Variants in OPCML observed in about 807,000 individuals in gnomAD.
OPCML encodes the protein opioid-binding protein/cell adhesion molecule.
In OPCML, 13 loss-of-function variants were observed where a neutral mutation model predicts 37.8. The observed-to-expected ratio is 0.34, with a 90% CI of 0.22 to 0.55. The LOEUF (loss-of-function observed/expected upper bound fraction) is 0.55. Among genes scored for constraint, OPCML ranks in the 20% least tolerant of loss-of-function variants. OPCML has a pLI of 0.91. For synonymous variants in OPCML, 176 were observed against 168.8 expected (o/e 1.04, Z -0.33); for missense variants, 341 against 435.6 (o/e 0.78, Z 1.93).
At position 133,129,369 on chromosome 11, in the gene OPCML, G is replaced by A. The variant is rs530573242; in HGVS notation, c.62-186359C>T. ...CTCCTAGCCACCACGCAGGAAAGCC[G>A]TGTAATGCACCGGATATTGGGTAGA... On this transcript the variant is annotated intron_variant, in intron 1 of 7. Coordinates refer to ENST00000524381, the MANE Select transcript of OPCML (RefSeq NM_001012393.5). 8.4e-4 allele frequency among the ~76,000 whole-genome samples: 128 copies of A among 152,246 alleles called. 2 individuals are homozygous for A. Among genetic ancestry groups the A allele is most frequent in the African/African-American group, 2.3e-3 (95 of 41,546 alleles).
intron 3 of OPCML, among the ~76,000 whole-genome samples, chr11:132,627,798 C>T (rs549445213): frequency 4.6e-5 from 7 of 152,152 alleles, no homozygotes; most frequent in Admixed American, 6.5e-5. Flanking sequence ...AAAGGGAAAG[C>T]TGATGCATTT....
chr11:132,674,169 C>T (rs1417049619), intron 2 of OPCML, among the ~76,000 whole-genome samples: 1 of 152,158 alleles, frequency 6.6e-6, no homozygotes, highest in African/African-American at 2.4e-5. Context: ...CTAACAGTCT[C>T]CTCTAGGCAC....
At chr11:133,377,612 G>GGAAAAAAAAAAAAAAAAAAAA (rs1555148303) in intron 1 of OPCML, among the ~76,000 whole-genome samples, 1 of 79,086 alleles carries the variant, frequency 1.3e-5, no homozygotes, top group African/African-American at 5.8e-5. Context: ...CCAGTATTCA[G>GGAAAAAAAAAAAAAAAAAAAA]AAAAAAAAAA....
At chr11:132,529,598 A>G (rs1286506712) in intron 3 of OPCML, among the ~76,000 whole-genome samples, 1 of 152,202 alleles carries the variant, frequency 6.6e-6, no homozygotes, top group Non-Finnish European at 1.5e-5. Flanking sequence ...AGCCTTCCCC[A>G]ACATTGCACT....
In OPCML at chr11:132,608,746, T is replaced by C. The variant is rs76922838; in HGVS notation, c.379+48341A>G. ...CTCCAGGAAACCAGCCCCTCCTGGG[T>C]CTTCCTAAGGGCTGCCTGGCATTCA... is the stretch of plus-strand genomic sequence containing the variant. On this transcript the variant is annotated intron_variant, in intron 3 of 7. Transcript: ENST00000524381. Among the ~76,000 whole-genome samples, 389 of 152,174 alleles carry C rather than the reference T, an allele frequency of 2.6e-3. 2 individuals carry two copies. Among genetic ancestry groups the C allele is most frequent in the African/African-American group, 8.9e-3 (369 of 41,516 alleles).
At chr11:132,574,956 T>A (rs1459587130) in intron 3 of OPCML, among the ~76,000 whole-genome samples, 1 of 152,180 alleles carries the variant, frequency 6.6e-6, no homozygotes, top group South Asian at 2.1e-4. Flanking sequence ...GTATATCATA[T>A]ATATTTATTA....
chr11:132,845,420 T>C (rs1219115314), intron 2 of OPCML, among the ~76,000 whole-genome samples: 1 of 152,158 alleles, frequency 6.6e-6, no homozygotes, highest in Non-Finnish European at 1.5e-5. Flanking sequence ...ACTCAAATAC[T>C]CTTTAAAAAT....
At chr11:133,013,431 G>A (rs1192467324) in intron 1 of OPCML, among the ~76,000 whole-genome samples, 1 of 152,114 alleles carries the variant, frequency 6.6e-6, no homozygotes, top group African/African-American at 2.4e-5. Context: ...TCATATTTAA[G>A]TATTCTTATA....
intron 1 of OPCML, among the ~76,000 whole-genome samples, chr11:133,364,070 A>G (rs1683085076): frequency 6.6e-6 from 1 of 152,158 alleles, no homozygotes; most frequent in Non-Finnish European, 1.5e-5. Flanking sequence ...ATCATGCGGT[A>G]AGTCCCAGCT....
intron 1 of OPCML, among the ~76,000 whole-genome samples, chr11:133,115,662 GA>G (rs56400131): frequency 0.12 from 18,665 of 151,984 alleles, 1,211 homozygotes; most frequent in East Asian, 0.23. Flanking sequence ...AAAACTAAGG[GA>G]ACTCCAAATT....
At chr11:133,094,792 A>C (rs1049702746) in intron 1 of OPCML, among the ~76,000 whole-genome samples, 5 of 152,160 alleles carry the variant, frequency 3.3e-5, no homozygotes, top group Non-Finnish European at 7.4e-5. Flanking sequence ...GCTAGAAATG[A>C]GTTTGCAATA....
intron 2 of OPCML, among the ~76,000 whole-genome samples, chr11:132,866,235 G>A (rs1036426997): frequency 3.3e-5 from 5 of 152,202 alleles, no homozygotes; most frequent in African/African-American, 1.2e-4. Flanking sequence ...TCATTCCTGA[G>A]GAAACTGAGG....
intron 3 of OPCML, among the ~76,000 whole-genome samples, chr11:132,533,472 A>G (rs2096332029): frequency 6.6e-6 from 1 of 152,216 alleles, no homozygotes; most frequent in African/African-American, 2.4e-5. Context: ...CGGATAGACA[A>G]ATAGATGACC....
At chr11:132,759,955 A>T (rs537297227) in intron 2 of OPCML, among the ~76,000 whole-genome samples, 38 of 152,328 alleles carry the variant, frequency 2.5e-4, no homozygotes, top group African/African-American at 8.4e-4. Context: ...ATTTCCCTCT[A>T]AACACTGCTT....
In OPCML at chr11:133,211,666, G is replaced by A. The variant is rs1305202085; in HGVS notation, c.62-268656C>T. On this transcript the variant is annotated intron_variant, in intron 1 of 7. Coordinates refer to ENST00000524381, the MANE Select transcript of OPCML (RefSeq NM_001012393.5). This position sits in a 1 kb window ranked among gnomAD's most constrained non-coding sequence, Gnocchi z 4.1. ...GGAATTGTATATCTTGTACCATGAG[G>A]CATCTGGGGCCAGGGAGTCATCTGG... Among the ~76,000 whole-genome samples the A allele has an allele frequency of 6.6e-6, 1 of 152,204 alleles. No homozygotes were observed. Among genetic ancestry groups the A allele is most frequent in the African/African-American group, 2.4e-5 (1 of 41,454 alleles).
intron 1 of OPCML, among the ~76,000 whole-genome samples, chr11:132,992,583 T>A (rs1175440834): frequency 6.6e-6 from 1 of 152,124 alleles, no homozygotes; most frequent in African/African-American, 2.4e-5. Context: ...GGTATTCTTG[T>A]GTGTGTATCG....
chr11:132,550,368 A>G (rs2096378706), intron 3 of OPCML, among the ~76,000 whole-genome samples: 1 of 152,094 alleles, frequency 6.6e-6, no homozygotes, highest in African/African-American at 2.4e-5. Flanking sequence ...TGCTGTCCTC[A>G]TGATAGTGAG....
intron 2 of OPCML, among the ~76,000 whole-genome samples, chr11:132,730,761 T>A (rs892780960): frequency 6.6e-6 from 1 of 151,462 alleles, no homozygotes; most frequent in Non-Finnish European, 1.5e-5. Context: ...GTGGTTGAAA[T>A]CTGCTTGACC....
chr11:132,589,653 C>T (rs2096480994), intron 3 of OPCML, among the ~76,000 whole-genome samples: 1 of 152,182 alleles, frequency 6.6e-6, no homozygotes, highest in Non-Finnish European at 1.5e-5. Context: ...CAGGCAAAGG[C>T]CGGGTGTCCT....
Sources: gnomAD v4.1 joint callset for allele counts (sites outside exome capture counted in the v4.1 genomes callset) on GRCh38, gnomAD v4.1.1 for gene constraint, Gnocchi (gnomAD v3.1) non-coding constraint, MANE v1.5 for transcripts, NCBI Gene and HGNC (gene_info 2026-07-23, HGNC 2026-07-21) for gene names.